RBFOX1: variants seen among roughly 807,000 people sequenced by gnomAD.
The protein encoded by RBFOX1 is RNA binding protein fox-1 homolog 1.
In RBFOX1, 8 loss-of-function variants were observed where a neutral mutation model predicts 57.7. The ratio of observed to expected loss-of-function variants is 0.14; its 90% CI spans 0.08 to 0.25. The LOEUF (loss-of-function observed/expected upper bound fraction) is 0.25. Among genes scored for constraint, RBFOX1 ranks in the 10% least tolerant of loss-of-function variants. RBFOX1 has a pLI of 1.00. For synonymous variants in RBFOX1, 326 were observed against 222.4 expected, an observed-to-expected ratio of 1.47 and a Z score of -4.15; for missense variants, 611 against 548.5, an observed-to-expected ratio of 1.11 and a Z score of -1.14.
chr16:5,460,180 G>C (rs1340148903), intron 1 of RBFOX1, among the ~76,000 whole-genome samples: 1 of 152,198 alleles, frequency 6.6e-6, no homozygotes, highest in East Asian at 1.9e-4. Flanking sequence ...GTATATGAGA[G>C]ACTCAGTGGA....
At chr16:6,941,296 C>CCTTCCTTCCTTCCTTCCTTCCT (rs1567990398) in intron 3 of RBFOX1, among the ~76,000 whole-genome samples, 2 of 64,642 alleles carry the variant, frequency 3.1e-5, no homozygotes, top group African/African-American at 1.2e-4. Flanking sequence ...CCTTCCCTCC[C>CCTTCCTTCCTTCCTTCCTTCCT]TCCCTCCTTC....
At chr16:6,242,623 AT>A (rs2097545612) in intron 1 of RBFOX1, among the ~76,000 whole-genome samples, 1 of 82,332 alleles carries the variant, frequency 1.2e-5, no homozygotes. Context: ...AGGATAATTT[AT>A]TGCAAACACA....
At chr16:7,430,422 G>A (rs2098667491) in intron 4 of RBFOX1, among the ~76,000 whole-genome samples, 1 of 152,162 alleles carries the variant, frequency 6.6e-6, no homozygotes, top group African/African-American at 2.4e-5. Context: ...AGCACTTCGG[G>A]AGGCTGAGGC....
chr16:6,071,207 G>C (rs1217477857), intron 1 of RBFOX1, among the ~76,000 whole-genome samples: 8 of 152,146 alleles, frequency 5.3e-5, no homozygotes, highest in Non-Finnish European at 1.2e-4. Flanking sequence ...TGTAGGACCA[G>C]CTGCTTGGGA....
chr16:5,764,514 T>A (rs1331636304), intron 3 of RBFOX1, among the ~76,000 whole-genome samples: 8 of 152,234 alleles, frequency 5.3e-5, no homozygotes, highest in African/African-American at 1.7e-4. Context: ...TTTACAGCAA[T>A]GCAAGAATGG....
In RBFOX1 at chr16:6,603,034, A is replaced by T. The variant is rs560778626; in HGVS notation, c.-63-51569A>T. 7.9e-5 allele frequency among the ~76,000 whole-genome samples: 12 copies of T among 152,340 alleles called. No individual in the cohort carries two copies. In the South Asian group the frequency reaches 2.1e-3, roughly 26 times the overall value. Reference sequence around the variant, plus strand: ...GTTTCCCAATTTTATTTATTTCAGTAAGTATTTACTGTCATTGTCTACTCT... The same window carrying T: ...GTTTCCCAATTTTATTTATTTCAGTTAGTATTTACTGTCATTGTCTACTCT... On this transcript the variant is annotated intron_variant, in intron 2 of 15. Coordinates refer to ENST00000550418, the MANE Select transcript of RBFOX1 (RefSeq NM_018723.4).
chr16:5,825,815 A>C (rs572985222), intron 3 of RBFOX1, among the ~76,000 whole-genome samples: 3 of 146,054 alleles, frequency 2.1e-5, no homozygotes, highest in African/African-American at 7.4e-5. Context: ...ATGAATAAGG[A>C]ATAATATTCC....
chr16:7,482,355 A>C (rs958649283), intron 4 of RBFOX1, among the ~76,000 whole-genome samples: 1 of 152,226 alleles, frequency 6.6e-6, no homozygotes. Flanking sequence ...AATGAGGCTC[A>C]AAGAGGCTTG....
intron 2 of RBFOX1, among the ~76,000 whole-genome samples, chr16:6,465,753 T>G (rs2095034107): frequency 6.6e-6 from 1 of 152,036 alleles, no homozygotes; most frequent in African/African-American, 2.4e-5. Flanking sequence ...ACAGAGACCA[T>G]GTGGTCCAAA....
At chr16:6,895,474 A>G (rs1450330682) in intron 3 of RBFOX1, among the ~76,000 whole-genome samples, 10 of 104,280 alleles carry the variant, frequency 9.6e-5, no homozygotes, top group Admixed American at 3.8e-4. Context: ...ATATATATAT[A>G]TATATATATA....
At chr16:5,387,802 G>A (rs1310666475) in intron 1 of RBFOX1, among the ~76,000 whole-genome samples, 1 of 152,174 alleles carries the variant, frequency 6.6e-6, no homozygotes, top group Non-Finnish European at 1.5e-5. Flanking sequence ...ATTAAGGTTG[G>A]TTATTGTCTG....
At chr16:6,264,943 CTGTG>C (rs2074285398) in intron 1 of RBFOX1, among the ~76,000 whole-genome samples, 1 of 152,196 alleles carries the variant, frequency 6.6e-6, no homozygotes, top group Non-Finnish European at 1.5e-5. Context: ...ACTCCGAGTT[CTGTG>C]TGTGGGAACC....
At chr16:5,691,134 T>C (rs1374235717) in intron 3 of RBFOX1, among the ~76,000 whole-genome samples, 1 of 152,222 alleles carries the variant, frequency 6.6e-6, no homozygotes, top group Non-Finnish European at 1.5e-5. Context: ...TTAGAGATAG[T>C]TGTTAAGTTT....
At chr16:6,967,240 C>G (rs529661596) in intron 3 of RBFOX1, among the ~76,000 whole-genome samples, 1 of 152,134 alleles carries the variant, frequency 6.6e-6, no homozygotes, top group African/African-American at 2.4e-5. Flanking sequence ...TTTATACATT[C>G]ATCTACCATC....
intron 3 of RBFOX1, among the ~76,000 whole-genome samples, chr16:6,797,238 T>C (rs907156947): frequency 6.6e-6 from 1 of 152,190 alleles, no homozygotes; most frequent in Non-Finnish European, 1.5e-5. Context: ...GTGCCTTTGA[T>C]GGATATTGTT....
At position 6,071,419 on chromosome 16, in the gene RBFOX1, A is replaced by G. The variant is rs370464934; in HGVS notation, c.-127+51427A>G. The stretch of plus-strand genomic sequence containing the variant: ...AAAAGATATTTTATTTTAAATAAAA[A>G]TGGGTACTAGGTCGAATACTTGGGT... On this transcript the variant is annotated intron_variant, in intron 1 of 15. Coordinates refer to ENST00000550418, the MANE Select transcript of RBFOX1 (RefSeq NM_018723.4). Among the ~76,000 whole-genome samples, 8 of 152,360 alleles carry G rather than the reference A, an allele frequency of 5.3e-5. No homozygotes were observed. In the East Asian group the frequency reaches 1.5e-3, roughly 29 times the overall value.
chr16:7,058,420 T>A (rs2053158172), intron 4 of RBFOX1, among the ~76,000 whole-genome samples: 1 of 152,182 alleles, frequency 6.6e-6, no homozygotes, highest in Non-Finnish European at 1.5e-5. Context: ...AATACACTAT[T>A]AAGAATCAGG....
chr16:5,551,804 C>T (rs557406209), intron 2 of RBFOX1, among the ~76,000 whole-genome samples: 4 of 151,808 alleles, frequency 2.6e-5, no homozygotes, highest in South Asian at 2.1e-4. Context: ...CCCCACCCCC[C>T]GACAGGTGCT....
chr16:5,958,756 C>T (rs1342922537), intron 4 of RBFOX1, among the ~76,000 whole-genome samples: 1 of 152,184 alleles, frequency 6.6e-6, no homozygotes, highest in Non-Finnish European at 1.5e-5. Flanking sequence ...TATTCCTTGC[C>T]TTGTCTAGCT....
Sources: gnomAD v4.1 joint callset for allele counts (sites outside exome capture counted in the v4.1 genomes callset) on GRCh38, gnomAD v4.1.1 for gene constraint, MANE v1.5 for transcripts, NCBI Gene and HGNC (gene_info 2026-07-23, HGNC 2026-07-21) for gene names.